Variants in TECTB observed in about 807,000 individuals in gnomAD.
TECTB encodes the protein tectorin beta.
TECTB carries 45 observed loss-of-function variants against 43.3 expected under a neutral mutation model. The observed-to-expected ratio is 1.04, with a 90% CI of 0.82 to 1.33. The LOEUF (loss-of-function observed/expected upper bound fraction) is 1.33. Among genes scored for constraint, TECTB ranks in the 40% most tolerant of loss-of-function variants. The pLI is 0.00. For missense variants in TECTB, 399 were observed against 404.7 expected, an observed-to-expected ratio of 0.99 and a Z score of 0.12; for synonymous variants, 169 against 156.7, an observed-to-expected ratio of 1.08 and a Z score of -0.59.
At chr10:112,291,425 C>T (rs967374816) in intron 5 of TECTB, among the ~76,000 whole-genome samples, 8 of 152,166 alleles carry the variant, frequency 5.3e-5, no homozygotes, top group Non-Finnish European at 7.3e-5. Flanking sequence ...CATTCTATTA[C>T]AAAGACACAT....
At chr10:112,301,768 CGT>C (rs1010136877) in intron 9 of TECTB, among the ~76,000 whole-genome samples, 17 of 151,886 alleles carry the variant, frequency 1.1e-4, no homozygotes, top group African/African-American at 4.1e-4. Context: ...TTTTTGAGAC[CGT>C]GTCGCCCAGG....
chr10:112,289,280 T>C (rs1373018991), intron 5 of TECTB, among the ~76,000 whole-genome samples: 1 of 152,210 alleles, frequency 6.6e-6, no homozygotes, highest in Non-Finnish European at 1.5e-5. Flanking sequence ...TTGGATTATA[T>C]TGACTTTTAT....
chr10:112,300,363 AAGG>A (rs1453781336), intron 9 of TECTB, among the ~76,000 whole-genome samples: 25 of 151,740 alleles, frequency 1.6e-4, no homozygotes, highest in Admixed American at 1.3e-3. Flanking sequence ...GGAAGGAAGG[AAGG>A]AAAAATGAGA....
intron 5 of TECTB, among the ~76,000 whole-genome samples, chr10:112,287,361 G>A (rs564275176): frequency 3.9e-5 from 6 of 152,320 alleles, no homozygotes; most frequent in African/African-American, 1.2e-4. Context: ...CTTTAGAAGG[G>A]GTGCTTTGTT....
intron 9 of TECTB, among the ~76,000 whole-genome samples, chr10:112,300,577 G>T (rs1193801825): frequency 6.6e-6 from 1 of 152,188 alleles, no homozygotes; most frequent in African/African-American, 2.4e-5. Flanking sequence ...CAGTGGGCTG[G>T]TGCCATGGTT....
Position 112,293,809 on chromosome 10 carries a change from T to C in TECTB, c.555T>C (p.Phe185=). 9.3e-6 allele frequency: 15 copies of C among 1,614,212 alleles called. No individual in the cohort carries two copies. The highest frequency in any genetic ancestry group is 1.3e-5 in the Non-Finnish European group (15 of 1,180,036). ...LEASEIGSDL[F]AGVEAKGLSI... Reference sequence around the variant, plus strand: ...CATCCGAAATCGGTTCAGATCTGTTTGCAGGAGTGGAAGCCAAAGGGTTAA... The same window carrying C: ...CATCCGAAATCGGTTCAGATCTGTTCGCAGGAGTGGAAGCCAAAGGGTTAA... The change falls in exon 6 of 11, where the codon TTT becomes TTC. Residue 185 remains phenylalanine (F), a synonymous_variant. Coordinates refer to ENST00000646139, the MANE Select transcript of TECTB (RefSeq NM_058222.3).
At chr10:112,295,323 T>A (rs1322387438) in intron 7 of TECTB, among the ~76,000 whole-genome samples, 1 of 152,208 alleles carries the variant, frequency 6.6e-6, no homozygotes, top group African/African-American at 2.4e-5. Context: ...ATACCAAACA[T>A]TGTTCTAGAT....
At chr10:112,294,212 T>A (rs1848526166) in intron 7 of TECTB, 151 bp downstream of exon 7, 1 of 680,932 alleles carries the variant, frequency 1.5e-6, no homozygotes, top group Non-Finnish European at 2.6e-6. Flanking sequence ...AAAGAACAAA[T>A]ACTAAGAAAC....
intron 5 of TECTB, among the ~76,000 whole-genome samples, chr10:112,286,673 A>C (rs557722028): frequency 1.7e-4 from 26 of 152,168 alleles, no homozygotes; most frequent in Non-Finnish European, 3.8e-4. Context: ...TAATCCCAGC[A>C]CTTTGGGAGA....
At position 112,293,758 on chromosome 10, in the gene TECTB, G is replaced by C. The variant is rs1238232642; in HGVS notation, c.504G>C (p.Lys168Asn). The change falls in exon 6 of 11, where the codon AAG (lysine) becomes AAC (asparagine). Residue 168 changes from lysine (K) to asparagine (N), a missense_variant. By Grantham distance (94) the Lys-to-Asn change is moderately conservative. Transcript: ENST00000646139. ...CAAAGAATGCCAAGTTCTCCATCAA[G>C]AAAGAAGCTCCCTTTGTCCTGGAGG... ...NFYTNAKFSI[K>N]KEAPFVLEAS... 1 of 1,614,082 alleles carries C rather than the reference G, an allele frequency of 6.2e-7. No individual in the cohort carries two copies. Among genetic ancestry groups the C allele is most frequent in the South Asian group, 1.1e-5 (1 of 91,072 alleles).
intron 10 of TECTB, chr10:112,303,037 A>G (rs1191335998): frequency 1.1e-5 from 6 of 568,184 alleles, no homozygotes; most frequent in Non-Finnish European, 1.6e-5. Flanking sequence ...AGTACCATGC[A>G]CCATCACTGA....
Position 112,304,148 on chromosome 10 carries a change from T to G in TECTB, c.*836T>G, listed in dbSNP as rs1465388903. On this transcript the variant is annotated 3_prime_UTR_variant, in exon 11 of 11. Coordinates refer to ENST00000646139, the MANE Select transcript of TECTB (RefSeq NM_058222.3). ...GCTGGAAACATGACTATAAAGTGAC[T>G]CCAATGACACAAGTGCTGTGAGTTT... 1 of 152,190 alleles carries G rather than the reference T, an allele frequency of 6.6e-6. No homozygotes were observed. Among genetic ancestry groups the G allele is most frequent in the Non-Finnish European group, 1.5e-5 (1 of 68,046 alleles). 9.4% of individuals were successfully genotyped at this position (152,190 alleles called of 1,614,324 possible). A position where few individuals can be genotyped will look rare whatever the true frequency, so the allele number is the denominator to read the frequency against.
Position 112,303,711 on chromosome 10 carries a change from C to T in TECTB, c.*399C>T, listed in dbSNP as rs1435133793. On this transcript the variant is annotated 3_prime_UTR_variant, in exon 11 of 11. Coordinates refer to ENST00000646139, the MANE Select transcript of TECTB (RefSeq NM_058222.3). ...AAGTCAACACTAAATGCACAACGCACATTAATAGCTGACTTTGCCAAAAAG... is the reference window on the plus strand; with the variant it reads ...AAGTCAACACTAAATGCACAACGCATATTAATAGCTGACTTTGCCAAAAAG... 1.7e-5 allele frequency: 3 copies of T among 176,878 alleles called. No individual in the cohort carries two copies. Among genetic ancestry groups the T allele is most frequent in the Non-Finnish European group, 3.6e-5 (3 of 82,882 alleles). The allele number at this position is 176,878 out of a possible 1,614,324, so 11.0% of individuals were successfully genotyped here.
intron 7 of TECTB, among the ~76,000 whole-genome samples, chr10:112,294,395 C>G (rs10885326): frequency 0.35 from 53,195 of 151,844 alleles, 9,511 homozygotes; most frequent in East Asian, 0.54. Context: ...TGTGCGCATG[C>G]GTGTGTGTGC....
At chr10:112,283,564 T>C in intron 1 of TECTB, 68 bp downstream of exon 1, 1 of 620,200 alleles carries the variant, frequency 1.6e-6, no homozygotes, top group Admixed American at 3.2e-5. Flanking sequence ...ACATCGTTTA[T>C]CTCCCTTGAA....
At chr10:112,295,333 T>C (rs1310296675) in intron 7 of TECTB, among the ~76,000 whole-genome samples, 1 of 152,238 alleles carries the variant, frequency 6.6e-6, no homozygotes, top group Non-Finnish European at 1.5e-5. Flanking sequence ...TTGTTCTAGA[T>C]AGGTGTTTTA....
intron 2 of TECTB, 117 bp downstream of exon 2, chr10:112,283,927 G>A: frequency 8.9e-7 from 1 of 1,119,598 alleles, no homozygotes; most frequent in Non-Finnish European, 1.3e-6. Context: ...TAGCCAAGCA[G>A]GAAAGTACTT....
chr10:112,285,410 G>A (rs776677435), intron 3 of TECTB, among the ~76,000 whole-genome samples: 1 of 152,120 alleles, frequency 6.6e-6, no homozygotes, highest in Non-Finnish European at 1.5e-5. Flanking sequence ...TGAGAGCAAA[G>A]AGCTTCCAGG....
chr10:112,292,678 A>G (rs1848508967), intron 5 of TECTB, among the ~76,000 whole-genome samples: 1 of 152,120 alleles, frequency 6.6e-6, no homozygotes, highest in African/African-American at 2.4e-5. Flanking sequence ...TTGTGGCCTC[A>G]AGTGATCTGC....
Sources: gnomAD v4.1 joint callset for allele counts (sites outside exome capture counted in the v4.1 genomes callset) on GRCh38, gnomAD v4.1.1 for gene constraint, MANE v1.5 for transcripts, NCBI Gene and HGNC (gene_info 2026-07-23, HGNC 2026-07-21) for gene names.